RAB3IP: variants seen among roughly 807,000 people sequenced by gnomAD.
RAB3IP encodes the protein rab-3A-interacting protein.
RAB3IP carries 36 observed loss-of-function variants against 59.1 expected under a neutral mutation model. The observed-to-expected ratio is 0.61, with a 90% confidence interval of 0.47 to 0.80. RAB3IP has a LOEUF of 0.80. Among genes scored for constraint, RAB3IP ranks in the 30% least tolerant of loss-of-function variants. The pLI is 0.00. For synonymous variants in RAB3IP, 207 were observed against 191.2 expected, an observed-to-expected ratio of 1.08 and a Z score of -0.68; for missense variants, 511 against 536.0, an observed-to-expected ratio of 0.95 and a Z score of 0.46.
chr12:69,822,035 A>G lies in RAB3IP; in HGVS notation c.*6589A>G, dbSNP rs1029126677. 1 of 152,170 alleles carries G rather than the reference A, an allele frequency of 6.6e-6. No homozygotes were observed. Among genetic ancestry groups the G allele is most frequent in the African/African-American group, 2.4e-5 (1 of 41,430 alleles). 9.4% of individuals were successfully genotyped at this position (152,170 alleles called of 1,614,324 possible). On this transcript the variant is annotated 3_prime_UTR_variant, in exon 11 of 11. Coordinates refer to ENST00000247833, the MANE Select transcript of RAB3IP (RefSeq NM_022456.5). ...ATGAAGTCTGTGGGTGAATTGGTGG[A>G]CGGGATCCAGAATCATTACTTGGCA...
At chr12:69,739,713 A>G (rs765640500) in intron 1 of RAB3IP, 1 of 863,146 alleles carries the variant, frequency 1.2e-6, no homozygotes, top group Non-Finnish European at 1.9e-6. Flanking sequence ...GACGAACTGC[A>G]CGGGTGGGAT....
rs1410815342 is a variant in RAB3IP, at chr12:69,820,271, CTTTA to C, written c.*4829_*4832del. 6.6e-6 allele frequency: 1 copy of C among 152,148 alleles called. No homozygotes were observed. The highest frequency in any genetic ancestry group is 1.5e-5 in the Non-Finnish European group (1 of 68,062). The allele number at this position is 152,148 out of a possible 1,614,324, so 9.4% of individuals were successfully genotyped here. ...AAATTCTGGGGCTTATTCTAGGTTC[CTTTA>C]TTTGTCATTGTCACTCCCATTCCAG... On this transcript the variant is annotated 3_prime_UTR_variant, in exon 11 of 11. Coordinates refer to ENST00000247833, the MANE Select transcript of RAB3IP (RefSeq NM_022456.5).
At chr12:69,765,913 CA>C (rs1308411781) in intron 3 of RAB3IP, among the ~76,000 whole-genome samples, 1 of 152,186 alleles carries the variant, frequency 6.6e-6, no homozygotes, top group Non-Finnish European at 1.5e-5. Flanking sequence ...CTTAGTTTGA[CA>C]GGATATGAAA....
intron 6 of RAB3IP, among the ~76,000 whole-genome samples, chr12:69,798,191 T>G (rs948628810): frequency 2.0e-5 from 3 of 152,188 alleles, no homozygotes; most frequent in African/African-American, 7.2e-5. Context: ...ACCTGTTGTT[T>G]CCTGACTTTT....
chr12:69,754,365 A>C (rs901666775), intron 1 of RAB3IP, among the ~76,000 whole-genome samples: 1 of 150,832 alleles, frequency 6.6e-6, no homozygotes, highest in Non-Finnish European at 1.5e-5. Flanking sequence ...ACACACACAC[A>C]CACACTGTGT....
rs1881555192 is a variant in RAB3IP, at chr12:69,820,228, C to G, written c.*4782C>G. 1.3e-5 allele frequency: 2 copies of G among 152,146 alleles called. No individual in the cohort carries two copies. Among genetic ancestry groups the G allele is most frequent in the Admixed American group, 1.3e-4 (2 of 15,274 alleles). The allele number at this position is 152,146 out of a possible 1,614,324, so 9.4% of individuals were successfully genotyped here. A position where few individuals can be genotyped will look rare whatever the true frequency, so the allele number is the denominator to read the frequency against. On this transcript the variant is annotated 3_prime_UTR_variant, in exon 11 of 11. Coordinates refer to ENST00000247833, the MANE Select transcript of RAB3IP (RefSeq NM_022456.5). Reference sequence around the variant, plus strand: ...GCTTAACAGATCTGCCATGGCTGAACTCTCAGTTGCTTAAGCAAAATTCTG... The same window carrying G: ...GCTTAACAGATCTGCCATGGCTGAAGTCTCAGTTGCTTAAGCAAAATTCTG...
intron 3 of RAB3IP, among the ~76,000 whole-genome samples, chr12:69,781,048 A>G (rs1187295268): frequency 1.3e-5 from 2 of 152,212 alleles, no homozygotes; most frequent in African/African-American, 4.8e-5. Context: ...GAGAGCTTCA[A>G]GTTGTAACTC....
chr12:69,756,496 G>A lies in RAB3IP; in HGVS notation c.343G>A (p.Glu115Lys). The A allele has an allele frequency of 6.2e-7, 1 of 1,614,070 alleles. No homozygotes were observed. Among genetic ancestry groups the A allele is most frequent in the Non-Finnish European group, 8.5e-7 (1 of 1,179,942 alleles). Reference protein sequence around the residue: ...LTTRKDNYNAEREFLQGATIT... With the variant: ...LTTRKDNYNAKREFLQGATIT... ...TACAAGAAAGGACAACTATAATGCA[G>A]AGAGAGAGTTTTTACAGGGTGCTAC... The change falls in exon 3 of 11, where the codon GAG becomes AAG. Residue 115 changes from glutamate to lysine, a missense_variant. By Grantham distance (56) the Glu-to-Lys change is moderately conservative. Transcript: ENST00000247833.
At chr12:69,807,964 TTC>T (rs1879748084) in intron 8 of RAB3IP, among the ~76,000 whole-genome samples, 1 of 152,204 alleles carries the variant, frequency 6.6e-6, no homozygotes. Flanking sequence ...AGATCTCTAG[TTC>T]TTTCAATTGT....
At chr12:69,784,876 G>A (rs778066909) in intron 4 of RAB3IP, 61 bp downstream of exon 4, 3 of 914,616 alleles carry the variant, frequency 3.3e-6, no homozygotes, top group Non-Finnish European at 1.7e-6. Context: ...TGACAAAATT[G>A]TATTTTGAGG....
intron 3 of RAB3IP, among the ~76,000 whole-genome samples, chr12:69,770,065 T>TA (rs1445748387): frequency 1.5e-5 from 1 of 65,888 alleles, no homozygotes. Flanking sequence ...GATAAAAGTC[T>TA]ATGTCTTCAT....
intron 8 of RAB3IP, among the ~76,000 whole-genome samples, chr12:69,806,338 T>A (rs976864403): frequency 6.6e-6 from 1 of 152,236 alleles, no homozygotes; most frequent in Non-Finnish European, 1.5e-5. Context: ...GGAGCAGTGG[T>A]GATATCCCCT....
At chr12:69,798,523 G>T (rs1877889415) in intron 6 of RAB3IP, among the ~76,000 whole-genome samples, 1 of 151,688 alleles carries the variant, frequency 6.6e-6, no homozygotes, top group Admixed American at 6.6e-5. Context: ...AGGCTCTTTA[G>T]TTTAATTAGA....
intron 4 of RAB3IP, among the ~76,000 whole-genome samples, chr12:69,785,935 G>A (rs1875570617): frequency 1.3e-5 from 2 of 152,280 alleles, no homozygotes; most frequent in Middle Eastern, 3.4e-3. Flanking sequence ...TCTCCTTTGG[G>A]TTAAGACCTT....
chr12:69,807,600 T>C (rs1347817290), intron 8 of RAB3IP, among the ~76,000 whole-genome samples: 6 of 93,178 alleles, frequency 6.4e-5, no homozygotes, highest in East Asian at 3.9e-4. Flanking sequence ...GCTCGCTTCC[T>C]AGATGGGGCG....
At chr12:69,762,415 T>C (rs1003375250) in intron 3 of RAB3IP, among the ~76,000 whole-genome samples, 3 of 152,218 alleles carry the variant, frequency 2.0e-5, no homozygotes, top group Non-Finnish European at 4.4e-5. Flanking sequence ...TTACATTCAC[T>C]AAAAGGTGAA....
At chr12:69,757,603 G>A (rs1018405442) in intron 3 of RAB3IP, among the ~76,000 whole-genome samples, 2 of 152,126 alleles carry the variant, frequency 1.3e-5, no homozygotes, top group East Asian at 3.9e-4. Flanking sequence ...AAATTGAGAA[G>A]GTAGGGCAAA....
Position 69,799,618 on chromosome 12 carries a change from T to C in RAB3IP, c.889-591T>C, listed in dbSNP as rs79760073. ...TAGTTTAGAAGGCTTTACGTATTCT[T>C]TTTTTTTAATCCTGTTGGTTATGCA... On this transcript the variant is annotated intron_variant, in intron 6 of 10. Coordinates refer to ENST00000247833, the MANE Select transcript of RAB3IP (RefSeq NM_022456.5). 2.5e-3 allele frequency among the ~76,000 whole-genome samples: 381 copies of C among 152,032 alleles called. 1 individual carries two copies. Among genetic ancestry groups the C allele is most frequent in the Non-Finnish European group, 3.9e-3 (262 of 67,934 alleles).
intron 1 of RAB3IP, chr12:69,739,995 C>T: frequency 1.2e-6 from 1 of 836,304 alleles, no homozygotes; most frequent in South Asian, 1.6e-5. Context: ...CACCCCAACT[C>T]CTTCCGTTCA....
Sources: allele counts gnomAD v4.1 joint callset (sites outside exome capture counted in the v4.1 genomes callset), GRCh38; gene constraint gnomAD v4.1.1; transcripts MANE v1.5; gene names NCBI Gene and HGNC (gene_info 2026-07-23, HGNC 2026-07-21).